The following PTPN3 variants were observed in gnomAD, a reference collection of about 807,000 sequenced individuals.
The protein encoded by PTPN3 is tyrosine-protein phosphatase non-receptor type 3.
In PTPN3, 96 loss-of-function variants were observed where a neutral mutation model predicts 132.7. The ratio of observed to expected loss-of-function variants is 0.72; its 90% CI spans 0.61 to 0.86. The LOEUF is 0.86. Among genes scored for constraint, PTPN3 ranks in the 40% least tolerant of loss-of-function variants. The probability of loss-of-function intolerance (pLI) is 0.00; values close to 1 mark genes in which losing one functional copy is unlikely to be tolerated. For synonymous variants in PTPN3, 398 were observed against 429.0 expected (o/e 0.93, Z 0.89); for missense variants, 1,125 against 1,159.6 (o/e 0.97, Z 0.43).
chr9:109,416,836 G>T (rs1008118128), intron 14 of PTPN3, among the ~76,000 whole-genome samples: 1 of 152,178 alleles, frequency 6.6e-6, no homozygotes, highest in Non-Finnish European at 1.5e-5. Context: ...CAGCGAAGAA[G>T]TTATGCAGGC....
At chr9:109,390,743 A>G (rs1840003171) in intron 21 of PTPN3, among the ~76,000 whole-genome samples, 1 of 152,164 alleles carries the variant, frequency 6.6e-6, no homozygotes, top group African/African-American at 2.4e-5. Context: ...TTATATGTAC[A>G]GAGGAGGTTT....
intron 1 of PTPN3, among the ~76,000 whole-genome samples, chr9:109,477,971 C>A (rs1588491852): frequency 6.6e-6 from 1 of 152,322 alleles, no homozygotes; most frequent in Non-Finnish European, 1.5e-5. Context: ...AGTCATGGGG[C>A]AGGAGTAACT....
At chr9:109,424,958 G>A (rs1843135339) in intron 12 of PTPN3, among the ~76,000 whole-genome samples, 1 of 152,170 alleles carries the variant, frequency 6.6e-6, no homozygotes, top group Non-Finnish European at 1.5e-5. Context: ...AGTGACAGAG[G>A]CAGGATTTGA....
intron 19 of PTPN3, among the ~76,000 whole-genome samples, chr9:109,397,281 C>A (rs979505692): frequency 6.6e-6 from 1 of 152,224 alleles, no homozygotes; most frequent in Non-Finnish European, 1.5e-5. Flanking sequence ...AACCCCAGAC[C>A]AGCATTGTGC....
intron 19 of PTPN3, among the ~76,000 whole-genome samples, chr9:109,395,664 G>A (rs547859418): frequency 7.9e-5 from 12 of 152,158 alleles, no homozygotes; most frequent in African/African-American, 2.9e-4. Context: ...GCACATGTCT[G>A]TAGTCACAGC....
intron 12 of PTPN3, among the ~76,000 whole-genome samples, chr9:109,424,539 G>T (rs771707701): frequency 6.6e-6 from 1 of 152,236 alleles, no homozygotes; most frequent in Non-Finnish European, 1.5e-5. Context: ...AAGGCTGAAC[G>T]GTTCTGCCTT....
chr9:109,397,560 C>A (rs1030891374), intron 19 of PTPN3: 1 of 152,244 alleles, frequency 6.6e-6, no homozygotes, highest in Non-Finnish European at 1.5e-5. Context: ...ACTAGGACAT[C>A]GCTTTTCCTT....
intron 6 of PTPN3, 74 bp from the exon 7 acceptor site, chr9:109,445,366 G>A (rs1844782331): frequency 2.3e-6 from 3 of 1,280,430 alleles, no homozygotes; most frequent in Non-Finnish European, 1.1e-6. Flanking sequence ...ATCATGCGTA[G>A]TAACACATGT....
At position 109,424,069 on chromosome 9, in the gene PTPN3, G is replaced by C. The variant is rs372615809; in HGVS notation, c.1002-1217C>G. ...CAGAAACCACACTGCCAGTGATGAA[G>C]AGCACAGGATCAAAACAAGGGGAGC... On this transcript the variant is annotated intron_variant, in intron 12 of 25. Coordinates refer to ENST00000374541, the MANE Select transcript of PTPN3 (RefSeq NM_002829.4). Among the ~76,000 whole-genome samples the C allele has an allele frequency of 2.6e-5, 4 of 152,286 alleles. No homozygotes were observed. In the South Asian group the frequency reaches 6.2e-4, roughly 24 times the overall value.
At chr9:109,476,378 A>C (rs895243516) in intron 1 of PTPN3, among the ~76,000 whole-genome samples, 1 of 152,182 alleles carries the variant, frequency 6.6e-6, no homozygotes, top group Non-Finnish European at 1.5e-5. Context: ...CTTAAAAAAA[A>C]AAACAGTAAA....
intron 2 of PTPN3, among the ~76,000 whole-genome samples, chr9:109,461,325 C>T (rs1279798223): frequency 1.3e-5 from 2 of 152,156 alleles, no homozygotes; most frequent in Non-Finnish European, 2.9e-5. Context: ...AACACCCAGG[C>T]AGGACAAGGG....
intron 6 of PTPN3, 113 bp downstream of exon 6, chr9:109,448,698 G>T: frequency 1.9e-6 from 2 of 1,048,434 alleles, no homozygotes; most frequent in African/African-American, 1.6e-5. Flanking sequence ...AGGATGCTTT[G>T]CACATCCACT....
At chr9:109,529,001 T>G in the PTPN3 span, among the ~76,000 whole-genome samples, 29,491 of 152,204 alleles carry the variant, frequency 0.19, 3,241 homozygotes, top group Admixed American at 0.23. Flanking sequence ...AGCTTATCAT[T>G]GTTGTAGATA....
intron 6 of PTPN3, 108 bp downstream of exon 6, chr9:109,448,703 T>G (rs1383630837): frequency 1.9e-5 from 21 of 1,113,446 alleles, no homozygotes; most frequent in Non-Finnish European, 2.6e-5. Flanking sequence ...GCTTTGCACA[T>G]CCACTCTGTT....
At chr9:109,477,394 A>G (rs1052433517) in intron 1 of PTPN3, among the ~76,000 whole-genome samples, 3 of 152,190 alleles carry the variant, frequency 2.0e-5, no homozygotes, top group Admixed American at 6.5e-5. Context: ...TTATCACCAT[A>G]TTACCTCTGC....
rs117187655 is a variant in PTPN3 at position 109,424,362 on chromosome 9, T to A, written c.1002-1510A>T. 7.3e-3 allele frequency among the ~76,000 whole-genome samples: 1,110 copies of A among 152,230 alleles called. 6 individuals carry two copies. The highest frequency in any genetic ancestry group is 0.013 in the Non-Finnish European group (873 of 68,010). On this transcript the variant is annotated intron_variant, in intron 12 of 25. Coordinates refer to ENST00000374541, the MANE Select transcript of PTPN3 (RefSeq NM_002829.4). ...ACCAGTATGCTGAAGCTGGCACAGG[T>A]AGTAAAAGAACTGCTGACTTGTCCT... is the stretch of plus-strand genomic sequence containing the variant.
At chr9:109,438,277 T>C (rs1210502652) in intron 7 of PTPN3, 43 bp from the exon 8 acceptor site, 1 of 1,581,984 alleles carries the variant, frequency 6.3e-7, no homozygotes, top group Admixed American at 1.8e-5. Context: ...TAGTTTTGCC[T>C]TTTTAATATG....
intron 2 of PTPN3, among the ~76,000 whole-genome samples, chr9:109,462,413 C>G (rs2132045262): frequency 6.6e-6 from 1 of 152,328 alleles, no homozygotes; most frequent in East Asian, 1.9e-4. Flanking sequence ...TTTTGTCACC[C>G]TTTGCATTCT....
intron 14 of PTPN3, among the ~76,000 whole-genome samples, chr9:109,419,221 G>A (rs907872582): frequency 1.3e-5 from 2 of 152,190 alleles, no homozygotes; most frequent in African/African-American, 4.8e-5. Flanking sequence ...CAGATAAACT[G>A]GAAACCATGT....
Sources: gnomAD v4.1 joint callset for allele counts (sites outside exome capture counted in the v4.1 genomes callset) on GRCh38, gnomAD v4.1.1 for gene constraint, MANE v1.5 for transcripts, NCBI Gene and HGNC (gene_info 2026-07-23, HGNC 2026-07-21) for gene names.